The following PELI2 variants were observed in gnomAD, a reference collection of about 807,000 sequenced individuals.
The protein encoded by PELI2 is E3 ubiquitin-protein ligase pellino homolog 2.
Under a neutral mutation model 42.3 loss-of-function variants are expected in PELI2, and 23 were observed. The ratio of observed to expected loss-of-function variants is 0.54; its 90% CI spans 0.39 to 0.77. PELI2 has a LOEUF of 0.77. PELI2 is among the 30% of genes least tolerant of loss of function. PELI2 has a pLI of 0.00. For missense variants in PELI2, 463 were observed against 553.2 expected (o/e 0.84, Z 1.64); for synonymous variants, 245 against 212.2 (o/e 1.15, Z -1.34).
Position 56,298,768 on chromosome 14 carries a change from T to C in PELI2, c.*1602T>C, listed in dbSNP as rs1890089891. The C allele has an allele frequency of 6.6e-6, 1 of 152,646 alleles. No individual in the cohort carries two copies. Among genetic ancestry groups the C allele is most frequent in the African/African-American group, 2.4e-5 (1 of 41,464 alleles). The allele number at this position is 152,646 out of a possible 1,614,324, so 9.5% of individuals were successfully genotyped here. A position where few individuals can be genotyped will look rare whatever the true frequency, so the allele number is the denominator to read the frequency against. On this transcript the variant is annotated 3_prime_UTR_variant, in exon 6 of 6. Coordinates refer to ENST00000267460, the MANE Select transcript of PELI2 (RefSeq NM_021255.3). The stretch of plus-strand genomic sequence containing the variant: ...TTAATTTGATGTAATATGTTTAAAG[T>C]TCAGCCTCTCAGTTTTAATATAGCT...
chr14:56,211,188 C>T (rs1045554906), intron 2 of PELI2, among the ~76,000 whole-genome samples: 1 of 152,216 alleles, frequency 6.6e-6, no homozygotes, highest in Non-Finnish European at 1.5e-5. Flanking sequence ...GTGCTTTGAT[C>T]CCTTGAGTCA....
At chr14:56,125,781 G>A (rs921463828) in intron 1 of PELI2, among the ~76,000 whole-genome samples, 12 of 152,158 alleles carry the variant, frequency 7.9e-5, no homozygotes, top group Admixed American at 2.0e-4. Context: ...CCACCAGAGC[G>A]TATTGCCCCT....
intron 1 of PELI2, among the ~76,000 whole-genome samples, chr14:56,129,577 C>T (rs969720186): frequency 2.6e-5 from 4 of 152,182 alleles, no homozygotes; most frequent in African/African-American, 9.7e-5. Flanking sequence ...AGTGCTTTGT[C>T]CCCCAAGAAA....
chr14:56,205,797 C>G (rs1886497314), intron 2 of PELI2, among the ~76,000 whole-genome samples: 1 of 152,122 alleles, frequency 6.6e-6, no homozygotes, highest in Non-Finnish European at 1.5e-5. Flanking sequence ...CTCCGTCACA[C>G]ACACCTGACC....
At chr14:56,194,536 G>A (rs1471879741) in intron 2 of PELI2, among the ~76,000 whole-genome samples, 1 of 152,182 alleles carries the variant, frequency 6.6e-6, no homozygotes, top group African/African-American at 2.4e-5. Context: ...CACTGATAGT[G>A]TTCCCTTCAC....
chr14:56,166,972 G>A (rs965332947), intron 1 of PELI2, among the ~76,000 whole-genome samples: 10 of 152,092 alleles, frequency 6.6e-5, no homozygotes, highest in African/African-American at 2.4e-4. Flanking sequence ...GTGTTTTTTA[G>A]TAGAGACAGC....
chr14:56,264,095 G>T (rs1888817608), intron 2 of PELI2, among the ~76,000 whole-genome samples: 1 of 152,158 alleles, frequency 6.6e-6, no homozygotes, highest in African/African-American at 2.4e-5. Context: ...TGTATGCACG[G>T]TGGCAAGAAA....
chr14:56,248,888 T>C (rs994432218), intron 2 of PELI2, among the ~76,000 whole-genome samples: 2 of 152,068 alleles, frequency 1.3e-5, no homozygotes, highest in Non-Finnish European at 2.9e-5. Flanking sequence ...ATGCCACTTG[T>C]AGAGGATATC....
intron 2 of PELI2, among the ~76,000 whole-genome samples, chr14:56,267,855 G>C (rs940054532): frequency 6.6e-6 from 1 of 152,044 alleles, no homozygotes; most frequent in African/African-American, 2.4e-5. Context: ...GTTGTATTTT[G>C]TTTTCTTTGG....
chr14:56,236,226 G>A (rs12891628), intron 2 of PELI2, among the ~76,000 whole-genome samples: 61,561 of 152,064 alleles, frequency 0.4, 13,159 homozygotes, highest in South Asian at 0.53. Context: ...TTTAAAGCAC[G>A]TGTCGAGAGG....
Position 56,298,636 on chromosome 14 carries a change from G to GTATTTTGCCTACTGGCAAA in PELI2, c.*1482_*1500dup, listed in dbSNP as rs916968867. The GTATTTTGCCTACTGGCAAA allele has an allele frequency of 9.8e-5, 15 of 152,408 alleles. No individual in the cohort carries two copies. The highest frequency in any genetic ancestry group is 1.9e-4 in the Non-Finnish European group (13 of 67,976). The allele number at this position is 152,408 out of a possible 1,614,324, so 9.4% of individuals were successfully genotyped here. The stretch of plus-strand genomic sequence containing the variant: ...TATCCATACTTGAATTGGTTTTTTC[G>GTATTTTGCCTACTGGCAAA]TATTTTGCCTACTGGCAAATATTTT... On this transcript the variant is annotated 3_prime_UTR_variant, in exon 6 of 6. Coordinates refer to ENST00000267460, the MANE Select transcript of PELI2 (RefSeq NM_021255.3).
intron 2 of PELI2, among the ~76,000 whole-genome samples, chr14:56,213,809 G>A (rs1475392545): frequency 1.3e-5 from 2 of 152,152 alleles, no homozygotes; most frequent in Non-Finnish European, 2.9e-5. Context: ...TCAGTTTTCT[G>A]AATGACAAAT....
chr14:56,204,986 T>G (rs992435805), intron 2 of PELI2, among the ~76,000 whole-genome samples: 1 of 141,936 alleles, frequency 7.0e-6, no homozygotes, highest in Non-Finnish European at 1.5e-5. Context: ...GCCGAGACCA[T>G]GCCACTGCAC....
At chr14:56,186,532 T>G (rs1394383430) in intron 2 of PELI2, among the ~76,000 whole-genome samples, 1 of 152,202 alleles carries the variant, frequency 6.6e-6, no homozygotes, top group South Asian at 2.1e-4. Flanking sequence ...ATACATACTA[T>G]TTTATGGAAA....
chr14:56,118,698 A>G lies in PELI2; in HGVS notation c.38A>G (p.Asn13Ser), dbSNP rs568445920. ...SPGQEEHCAP[N>S]KEPVKYGELV... ...GGCCAGGAGGAACACTGCGCCCCCA[A>G]TAAGGAGCCAGTGAAATACGGGGAG... Residue 13 changes from asparagine to serine, a missense_variant, in exon 1 of 6, where the codon AAT becomes AGT. This residue lies in a region of PELI2 where 343 missense variants were observed against 378.4 expected (regional missense o/e 0.91). Transcript: ENST00000267460. The G allele has an allele frequency of 2.6e-5, 39 of 1,526,408 alleles. No individual in the cohort carries two copies. The East Asian group carries it at 3.2e-4, about 13-fold the overall frequency. 94.6% of individuals were successfully genotyped at this position (1,526,408 alleles called of 1,614,324 possible).
rs972056449 is a variant in PELI2 at position 56,297,285 on chromosome 14, TAAAG to T, written c.*121_*124del. 2 of 668,810 alleles carry T rather than the reference TAAAG, an allele frequency of 3.0e-6. No individual in the cohort carries two copies. The highest frequency in any genetic ancestry group is 5.4e-5 in the East Asian group (2 of 36,728). The allele number at this position is 668,810 out of a possible 1,614,324, so 41.4% of individuals were successfully genotyped here. On this transcript the variant is annotated 3_prime_UTR_variant, in exon 6 of 6. Coordinates refer to ENST00000267460, the MANE Select transcript of PELI2 (RefSeq NM_021255.3). Reference sequence around the variant, plus strand: ...AGAGGAGGGTGACAGGGGCTGGAAATAAAGAGAGGGGACATGGTGATGAAACATG... The same window carrying T: ...AGAGGAGGGTGACAGGGGCTGGAAATAGAGGGGACATGGTGATGAAACATG...
chr14:56,291,321 GATC>G (rs1889822512), intron 5 of PELI2, among the ~76,000 whole-genome samples: 1 of 152,174 alleles, frequency 6.6e-6, no homozygotes, highest in Non-Finnish European at 1.5e-5. Context: ...CAGAGAGAAA[GATC>G]ATCACCAAAA....
At position 56,222,438 on chromosome 14, in the gene PELI2, T is replaced by C. The variant is rs140650879; in HGVS notation, c.207+43974T>C. 4.1e-3 allele frequency among the ~76,000 whole-genome samples: 626 copies of C among 152,312 alleles called. 6 individuals carry two copies. The highest frequency in any genetic ancestry group is 0.014 in the African/African-American group (571 of 41,564). ...TGGTACTTTACAAAGGTAAGAACAT[T>C]AACATCTACCACTTAGTTGAAGCTC... On this transcript the variant is annotated intron_variant, in intron 2 of 5. Transcript: ENST00000267460.
At chr14:56,191,129 G>C (rs1388573385) in intron 2 of PELI2, among the ~76,000 whole-genome samples, 5 of 152,188 alleles carry the variant, frequency 3.3e-5, no homozygotes, top group Non-Finnish European at 7.3e-5. Flanking sequence ...GTCCTGACAA[G>C]TCTCTGTTCC....
Sources: allele counts gnomAD v4.1 joint callset (sites outside exome capture counted in the v4.1 genomes callset), GRCh38; gene constraint gnomAD v4.1.1; regional missense constraint gnomAD v4.1.1; transcripts MANE v1.5; gene names NCBI Gene and HGNC (gene_info 2026-07-23, HGNC 2026-07-21).